Variants in CDKAL1 observed in about 807,000 individuals in gnomAD.
CDKAL1 encodes CDKAL1 threonylcarbamoyladenosine tRNA methylthiotransferase.
In CDKAL1, 32 loss-of-function variants were observed where a neutral mutation model predicts 68.2. That is an observed-to-expected ratio of 0.47 (90% CI 0.35 to 0.63). The LOEUF is 0.63. CDKAL1 is among the 30% of genes least tolerant of loss of function. CDKAL1 has a pLI of 0.00. For missense variants in CDKAL1, 606 were observed against 696.7 expected, an observed-to-expected ratio of 0.87 and a Z score of 1.47; for synonymous variants, 234 against 244.3, an observed-to-expected ratio of 0.96 and a Z score of 0.39.
At chr6:20,666,665 C>G (rs943601563) in intron 5 of CDKAL1, among the ~76,000 whole-genome samples, 1 of 149,696 alleles carries the variant, frequency 6.7e-6, no homozygotes, top group Non-Finnish European at 1.5e-5. Flanking sequence ...GAGGGCTGAT[C>G]GCCCGCTGCA....
rs148637071 is a variant in CDKAL1, at chr6:20,580,333, G to A, written c.286+31628G>A. 3.3e-3 allele frequency among the ~76,000 whole-genome samples: 505 copies of A among 152,238 alleles called. 4 individuals are homozygous for A. The highest frequency in any genetic ancestry group is 0.012 in the African/African-American group (485 of 41,548). On this transcript the variant is annotated intron_variant, in intron 4 of 15. Coordinates refer to ENST00000274695, the MANE Select transcript of CDKAL1 (RefSeq NM_017774.3). ...GTTCTGAGAATTAAATAAAAATAAT[G>A]TGTGTAGGCGTTAGCTGCTGGAAGG...
intron 10 of CDKAL1, among the ~76,000 whole-genome samples, chr6:20,959,384 G>T (rs929496310): frequency 1.3e-5 from 2 of 151,984 alleles, no homozygotes; most frequent in East Asian, 3.8e-4. Context: ...TATGATAATA[G>T]AATCAATAGA....
intron 11 of CDKAL1, among the ~76,000 whole-genome samples, chr6:21,010,718 G>T (rs1326858401): frequency 1.3e-5 from 2 of 152,040 alleles, no homozygotes; most frequent in Non-Finnish European, 2.9e-5. Flanking sequence ...TAAGTCCTCA[G>T]AAAAAATGAG....
intron 7 of CDKAL1, among the ~76,000 whole-genome samples, chr6:20,768,387 A>G (rs961044299): frequency 6.6e-6 from 1 of 152,154 alleles, no homozygotes; most frequent in Non-Finnish European, 1.5e-5. Flanking sequence ...AGTTTTTGGC[A>G]TTTTAGATAG....
chr6:20,853,103 A>C (rs937317873), intron 9 of CDKAL1, among the ~76,000 whole-genome samples: 1 of 152,214 alleles, frequency 6.6e-6, no homozygotes, highest in Middle Eastern at 3.2e-3. Context: ...ATGATAGACC[A>C]GTCGTGGTGG....
intron 15 of CDKAL1, among the ~76,000 whole-genome samples, chr6:21,211,535 G>A (rs149231660): frequency 5.3e-5 from 8 of 152,302 alleles, no homozygotes; most frequent in African/African-American, 1.7e-4. Flanking sequence ...CAAGTTGACT[G>A]CATGTCTCCA....
At chr6:21,199,540 G>T (rs1383254662) in intron 14 of CDKAL1, among the ~76,000 whole-genome samples, 1 of 152,116 alleles carries the variant, frequency 6.6e-6, no homozygotes, top group Non-Finnish European at 1.5e-5. Context: ...TCTGGGTTTT[G>T]CCTCAGCAGG....
chr6:20,850,571 G>A (rs982838473), intron 9 of CDKAL1, among the ~76,000 whole-genome samples: 1 of 151,954 alleles, frequency 6.6e-6, no homozygotes, highest in Non-Finnish European at 1.5e-5. Context: ...CTGAGTAGCT[G>A]GGACTACAGG....
intron 7 of CDKAL1, among the ~76,000 whole-genome samples, chr6:20,773,600 T>G (rs1425561496): frequency 6.6e-6 from 1 of 152,120 alleles, no homozygotes. Flanking sequence ...CAGGCTGGAG[T>G]GCAGTGGCGC....
intron 5 of CDKAL1, among the ~76,000 whole-genome samples, chr6:20,675,717 T>C (rs1562017307): frequency 6.6e-6 from 1 of 152,178 alleles, no homozygotes; most frequent in Non-Finnish European, 1.5e-5. Context: ...TGATAACAAA[T>C]GACTATTTTA....
At chr6:20,848,935 G>A (rs1032341802) in intron 9 of CDKAL1, among the ~76,000 whole-genome samples, 7 of 152,040 alleles carry the variant, frequency 4.6e-5, no homozygotes, top group African/African-American at 1.4e-4. Context: ...GGCGACTATA[G>A]CCATGCGCTA....
chr6:20,802,559 C>T (rs115877738), intron 8 of CDKAL1, among the ~76,000 whole-genome samples: 3,586 of 151,974 alleles, frequency 0.024, 68 homozygotes, highest in Admixed American at 0.035. Flanking sequence ...CATATACATG[C>T]ATTCTTATAT....
chr6:20,857,417 C>A (rs754981537), intron 9 of CDKAL1, among the ~76,000 whole-genome samples: 17 of 152,282 alleles, frequency 1.1e-4, no homozygotes, highest in South Asian at 4.1e-4. Flanking sequence ...GATTTGTTGA[C>A]TTTTAGTTAA....
chr6:21,047,094 G>GT (rs201348924), intron 11 of CDKAL1, among the ~76,000 whole-genome samples: 27,140 of 145,694 alleles, frequency 0.19, 2,554 homozygotes, highest in Middle Eastern at 0.24. Context: ...GATTTTTTGT[G>GT]TTTTTTTTTT....
At chr6:21,177,843 G>A (rs1181864305) in intron 13 of CDKAL1, among the ~76,000 whole-genome samples, 1 of 152,100 alleles carries the variant, frequency 6.6e-6, no homozygotes, top group Admixed American at 6.5e-5. Flanking sequence ...TGATAAAAAT[G>A]TTCTCTTAGC....
At chr6:20,752,800 GTAT>G (rs1773983903) in intron 6 of CDKAL1, among the ~76,000 whole-genome samples, 2 of 152,258 alleles carry the variant, frequency 1.3e-5, no homozygotes, top group South Asian at 2.1e-4. Context: ...ATAAACTAGT[GTAT>G]TAGCTTTATT....
intron 9 of CDKAL1, among the ~76,000 whole-genome samples, chr6:20,911,268 C>CG (rs1762456451): frequency 6.6e-6 from 1 of 152,202 alleles, no homozygotes; most frequent in South Asian, 2.1e-4. Flanking sequence ...TAGCTACCCA[C>CG]TAAGTAGTAG....
rs568645117 is a variant in CDKAL1, at chr6:21,097,602, G to A, written c.1237-10799G>A. On this transcript the variant is annotated intron_variant, in intron 12 of 15. Transcript: ENST00000274695. ...TGTTTATTTACTTTTCTTAAGGTAA[G>A]GGTTAACCGTGCTATATAGCTGTTG... Among the ~76,000 whole-genome samples the A allele has an allele frequency of 6.6e-5, 10 of 151,274 alleles. No homozygotes were observed. In the South Asian group the frequency reaches 1.9e-3, roughly 28 times the overall value.
intron 9 of CDKAL1, among the ~76,000 whole-genome samples, chr6:20,939,488 T>C (rs1763874659): frequency 6.6e-6 from 1 of 152,212 alleles, no homozygotes; most frequent in African/African-American, 2.4e-5. Context: ...CAAAATGGTT[T>C]TTCCTAGAAG....
Sources: gnomAD v4.1 joint callset for allele counts (sites outside exome capture counted in the v4.1 genomes callset) on GRCh38, gnomAD v4.1.1 for gene constraint, MANE v1.5 for transcripts, NCBI Gene and HGNC (gene_info 2026-07-23, HGNC 2026-07-21) for gene names.